UNC13C: variants seen among roughly 807,000 people sequenced by gnomAD.
UNC13C encodes unc-13 homolog C, also known as protein unc-13 homolog C.
In UNC13C, 174 loss-of-function variants were observed where a neutral mutation model predicts 245.4. That is an observed-to-expected ratio of 0.71 (90% CI 0.63 to 0.80). UNC13C has a LOEUF of 0.80. Among genes scored for constraint, UNC13C ranks in the 30% least tolerant of loss-of-function variants. The probability of loss-of-function intolerance (pLI) is 0.00; values close to 1 mark genes in which losing one functional copy is unlikely to be tolerated. For missense variants in UNC13C, 2,829 were observed against 2,602.9 expected (o/e 1.09, Z -1.89); for synonymous variants, 992 against 895.1 (o/e 1.11, Z -1.93).
the UNC13C span, among the ~76,000 whole-genome samples, chr15:53,956,907 C>T: frequency 1.8e-4 from 4 of 22,634 alleles, no homozygotes; most frequent in Non-Finnish European, 4.5e-4. Context: ...TGTGTGTGTG[C>T]ATGCACACAT....
intron 17 of UNC13C, among the ~76,000 whole-genome samples, chr15:54,357,707 G>C (rs987027504): frequency 1.8e-4 from 28 of 152,022 alleles, no homozygotes; most frequent in African/African-American, 6.5e-4. Context: ...GATAATTACT[G>C]AGAAATCCAG....
chr15:54,619,641 A>T (rs557337212), intron 30 of UNC13C, among the ~76,000 whole-genome samples: 1 of 152,172 alleles, frequency 6.6e-6, no homozygotes, highest in African/African-American at 2.4e-5. Context: ...GCAATTACAC[A>T]CATTTAATAT....
chr15:54,070,977 G>T lies in UNC13C; in HGVS notation c.2983+55091G>T, dbSNP rs148531712. Among the ~76,000 whole-genome samples the T allele has an allele frequency of 3.9e-3, 586 of 152,044 alleles. 8 individuals carry two copies. Among genetic ancestry groups the T allele is most frequent in the African/African-American group, 0.014 (563 of 41,462 alleles). On this transcript the variant is annotated intron_variant, in intron 2 of 32. Coordinates refer to ENST00000260323, the MANE Select transcript of UNC13C (RefSeq NM_001080534.3). ...ATAATTTATTATTCAACATCTATAG[G>T]GCCTGATGTGTTTGGAAAGGCAGTT...
the UNC13C span, among the ~76,000 whole-genome samples, chr15:53,930,416 A>G: frequency 6.6e-6 from 1 of 152,220 alleles, no homozygotes; most frequent in Admixed American, 6.5e-5. Context: ...GCCTGTAACT[A>G]AAAGAACTGG....
At chr15:54,293,801 G>A (rs1480582470) in intron 10 of UNC13C, 94 bp from the exon 11 acceptor site, 5 of 1,032,262 alleles carry the variant, frequency 4.8e-6, no homozygotes, top group East Asian at 3.1e-5. Context: ...AGTATATTAT[G>A]CCTTTCTAGA....
At chr15:54,458,245 A>C (rs749944554) in intron 19 of UNC13C, among the ~76,000 whole-genome samples, 1 of 152,072 alleles carries the variant, frequency 6.6e-6, no homozygotes, top group Non-Finnish European at 1.5e-5. Flanking sequence ...GTGACCTGAG[A>C]AAGTACTATA....
chr15:54,024,241 C>A (rs1278937360), intron 2 of UNC13C, among the ~76,000 whole-genome samples: 1 of 152,156 alleles, frequency 6.6e-6, no homozygotes, highest in Non-Finnish European at 1.5e-5. Context: ...AGGACTCTAA[C>A]TCTGGATATC....
chr15:53,897,460 G>A, the UNC13C span, among the ~76,000 whole-genome samples: 5 of 152,046 alleles, frequency 3.3e-5, no homozygotes, highest in South Asian at 2.1e-4. Context: ...CCTTGTTTTT[G>A]TAGGGATGAG....
chr15:54,274,935 G>A (rs1479963782), intron 10 of UNC13C, among the ~76,000 whole-genome samples: 4 of 152,092 alleles, frequency 2.6e-5, no homozygotes, highest in Admixed American at 6.5e-5. Context: ...CTCCCAAAGT[G>A]CTGGGATTAT....
At chr15:54,362,436 G>A (rs900243040) in intron 17 of UNC13C, among the ~76,000 whole-genome samples, 1 of 152,196 alleles carries the variant, frequency 6.6e-6, no homozygotes, top group African/African-American at 2.4e-5. Flanking sequence ...GTAGGCCCAA[G>A]AGATTTCTTC....
chr15:54,457,511 C>CT (rs966642550), intron 19 of UNC13C, among the ~76,000 whole-genome samples: 5 of 151,488 alleles, frequency 3.3e-5, no homozygotes, highest in South Asian at 2.1e-4. Context: ...TGGCCGTGGA[C>CT]TTTTTTTTGG....
chr15:53,870,815 G>A, the UNC13C span, among the ~76,000 whole-genome samples: 9 of 152,248 alleles, frequency 5.9e-5, no homozygotes, highest in African/African-American at 2.2e-4. Context: ...GCAATTAACT[G>A]AATTAACTGG....
chr15:54,447,939 C>T (rs1467868672), intron 19 of UNC13C, among the ~76,000 whole-genome samples: 2 of 152,168 alleles, frequency 1.3e-5, no homozygotes, highest in African/African-American at 2.4e-5. Flanking sequence ...CTACACACTG[C>T]TTTATATGTG....
intron 18 of UNC13C, 29 bp downstream of exon 18, chr15:54,393,210 A>AT: frequency 6.7e-7 from 1 of 1,482,478 alleles, no homozygotes; most frequent in Non-Finnish European, 9.0e-7. Flanking sequence ...AAATGAATGG[A>AT]TTTTATTCCA....
chr15:53,985,487 A>G (rs577672930), intron 1 of UNC13C, among the ~76,000 whole-genome samples: 5 of 151,904 alleles, frequency 3.3e-5, no homozygotes, highest in Admixed American at 1.3e-4. Flanking sequence ...TTACATATGT[A>G]TACATGAACT....
the UNC13C span, chr15:53,913,375 T>A: frequency 6.6e-6 from 1 of 152,216 alleles, no homozygotes; most frequent in Non-Finnish European, 1.5e-5. Context: ...CCAGTAGGCT[T>A]TTGGTCCCAA....
intron 2 of UNC13C, among the ~76,000 whole-genome samples, chr15:54,016,167 AC>A (rs1242903330): frequency 6.6e-6 from 1 of 152,204 alleles, no homozygotes; most frequent in African/African-American, 2.4e-5. Flanking sequence ...TTAGGCACAA[AC>A]CCCATTTAAC....
At chr15:53,994,771 T>C (rs1419784268) in intron 1 of UNC13C, among the ~76,000 whole-genome samples, 2 of 152,134 alleles carry the variant, frequency 1.3e-5, no homozygotes, top group African/African-American at 4.8e-5. Flanking sequence ...ATGTGTATAG[T>C]ATAGTGTCTG....
chr15:53,969,344 A>G, the UNC13C span, among the ~76,000 whole-genome samples: 1 of 152,188 alleles, frequency 6.6e-6, no homozygotes, highest in African/African-American at 2.4e-5. Context: ...TAACTCAAGC[A>G]GGAATTTGAT....
Sources: allele counts gnomAD v4.1 joint callset (sites outside exome capture counted in the v4.1 genomes callset), GRCh38; gene constraint gnomAD v4.1.1; transcripts MANE v1.5; gene names NCBI Gene and HGNC (gene_info 2026-07-23, HGNC 2026-07-21).